Variants in PKP4 observed in about 807,000 individuals in gnomAD.
PKP4 encodes the protein plakophilin 4, also known as plakophilin-4.
Under a neutral mutation model 145.1 loss-of-function variants are expected in PKP4, and 90 were observed. The ratio of observed to expected loss-of-function variants is 0.62; its 90% CI spans 0.52 to 0.74. The LOEUF (loss-of-function observed/expected upper bound fraction) is 0.74, where lower values mean the gene tolerates loss of function less well. PKP4 is among the 30% of genes least tolerant of loss of function. The probability of loss-of-function intolerance (pLI) is 0.00; values close to 1 mark genes in which losing one functional copy is unlikely to be tolerated. For missense variants in PKP4, 1,340 were observed against 1,482.7 expected (o/e 0.90, Z 1.58); for synonymous variants, 563 against 577.2 (o/e 0.98, Z 0.35).
chr2:158,470,925 C>T (rs1193623800), intron 1 of PKP4, among the ~76,000 whole-genome samples: 1 of 152,140 alleles, frequency 6.6e-6, no homozygotes, highest in Non-Finnish European at 1.5e-5. Context: ...CAGAAAACCC[C>T]AGTCTTCCTT....
intron 2 of PKP4, among the ~76,000 whole-genome samples, chr2:158,550,143 A>ATCTCTC (rs564291706): frequency 6.8e-5 from 10 of 147,042 alleles, no homozygotes; most frequent in Non-Finnish European, 1.1e-4. Context: ...TGCCAAGAAG[A>ATCTCTC]AGTTAAACAA....
intron 1 of PKP4, among the ~76,000 whole-genome samples, chr2:158,518,291 C>A (rs2042090800): frequency 1.3e-5 from 2 of 152,152 alleles, no homozygotes; most frequent in African/African-American, 4.8e-5. Flanking sequence ...TTAGTGATCT[C>A]AGGGTTTCAA....
At chr2:158,464,926 T>C (rs1186050621) in intron 1 of PKP4, among the ~76,000 whole-genome samples, 1 of 152,246 alleles carries the variant, frequency 6.6e-6, no homozygotes, top group Non-Finnish European at 1.5e-5. Context: ...TTTGCATACT[T>C]ATTTAAAACG....
At chr2:158,646,699 A>G (rs549533877) in intron 11 of PKP4, among the ~76,000 whole-genome samples, 1 of 152,272 alleles carries the variant, frequency 6.6e-6, no homozygotes, top group South Asian at 2.1e-4. Flanking sequence ...CTCACATCAA[A>G]TGCTCAAGCC....
At position 158,513,758 on chromosome 2, in the gene PKP4, G is replaced by A. The variant is rs112310568; in HGVS notation, c.-5-19422G>A. ...CATCTTAGGCAAATTTAAAGGCTGT[G>A]GAGACAATCCATGTCTTTATTTGCA... On this transcript the variant is annotated intron_variant, in intron 1 of 21. Coordinates refer to ENST00000389759, the MANE Select transcript of PKP4 (RefSeq NM_003628.6). Among the ~76,000 whole-genome samples, 448 of 152,232 alleles carry A rather than the reference G, an allele frequency of 2.9e-3. 3 individuals carry two copies. The highest frequency in any genetic ancestry group is 0.01 in the African/African-American group (423 of 41,532).
At chr2:158,613,881 A>G (rs2051351970) in intron 4 of PKP4, among the ~76,000 whole-genome samples, 2 of 152,224 alleles carry the variant, frequency 1.3e-5, no homozygotes, top group African/African-American at 2.4e-5. Flanking sequence ...AAACCATCAG[A>G]TAAATTCAGG....
At chr2:158,462,936 AT>A (rs1689997743) in intron 1 of PKP4, among the ~76,000 whole-genome samples, 1 of 152,210 alleles carries the variant, frequency 6.6e-6, no homozygotes, top group African/African-American at 2.4e-5. Flanking sequence ...TGAAATAATT[AT>A]TTTTACATTG....
intron 3 of PKP4, among the ~76,000 whole-genome samples, chr2:158,600,045 A>T (rs1368933249): frequency 2.0e-5 from 3 of 152,374 alleles, no homozygotes; most frequent in Admixed American, 6.5e-5. Flanking sequence ...ATAGTGATCT[A>T]CAACATATTT....
chr2:158,475,561 T>G (rs558240770), intron 1 of PKP4, among the ~76,000 whole-genome samples: 1 of 152,346 alleles, frequency 6.6e-6, no homozygotes, highest in East Asian at 1.9e-4. Context: ...ATTCTAGAAT[T>G]TTTAGCCAGA....
At chr2:158,629,072 T>C (rs569017072) in intron 7 of PKP4, among the ~76,000 whole-genome samples, 1 of 152,328 alleles carries the variant, frequency 6.6e-6, no homozygotes, top group South Asian at 2.1e-4. Context: ...CATAAAGAAA[T>C]AGAGCTTAGA....
intron 1 of PKP4, among the ~76,000 whole-genome samples, chr2:158,468,936 G>C (rs1274409868): frequency 6.6e-6 from 1 of 151,588 alleles, no homozygotes; most frequent in South Asian, 2.1e-4. Context: ...TACCATGCCC[G>C]ACTAATTTTT....
intron 7 of PKP4, 68 bp downstream of exon 7, chr2:158,625,495 CAA>C: frequency 7.7e-7 from 1 of 1,306,874 alleles, no homozygotes. Flanking sequence ...TAAGTTGAAA[CAA>C]AGAATGAAAA....
chr2:158,668,998 GA>G (rs1157257916), intron 16 of PKP4, among the ~76,000 whole-genome samples: 5 of 152,146 alleles, frequency 3.3e-5, no homozygotes, highest in Non-Finnish European at 5.9e-5. Flanking sequence ...AGAGGAATAA[GA>G]AAAATTCAGT....
intron 1 of PKP4, among the ~76,000 whole-genome samples, chr2:158,472,612 CAAAAAAAA>C (rs67665979): frequency 1.5e-5 from 1 of 65,148 alleles, no homozygotes; most frequent in Non-Finnish European, 2.8e-5. Flanking sequence ...GGCTCCATCT[CAAAAAAAA>C]AAAAAAAAAA....
intron 3 of PKP4, among the ~76,000 whole-genome samples, chr2:158,581,901 T>TA (rs1308034978): frequency 6.6e-6 from 1 of 152,220 alleles, no homozygotes. Context: ...CCAAACAAGG[T>TA]AAAAACCTCA....
intron 3 of PKP4, among the ~76,000 whole-genome samples, chr2:158,588,735 G>A (rs1301768940): frequency 6.6e-6 from 1 of 152,066 alleles, no homozygotes; most frequent in African/African-American, 2.4e-5. Context: ...ATCCAAACCT[G>A]CCACTTAGGG....
intron 4 of PKP4, among the ~76,000 whole-genome samples, chr2:158,607,604 G>A (rs568650393): frequency 6.6e-6 from 1 of 152,188 alleles, no homozygotes; most frequent in East Asian, 1.9e-4. Flanking sequence ...CCAGCATTAG[G>A]TGAAACCAGG....
intron 3 of PKP4, among the ~76,000 whole-genome samples, chr2:158,584,596 A>G (rs929536314): frequency 1.3e-5 from 2 of 152,186 alleles, no homozygotes; most frequent in Non-Finnish European, 2.9e-5. Flanking sequence ...CCTAAGCAGG[A>G]GGATCACTTG....
chr2:158,475,165 G>A (rs767633739), intron 1 of PKP4, among the ~76,000 whole-genome samples: 69 of 152,242 alleles, frequency 4.5e-4, no homozygotes, highest in Non-Finnish European at 8.2e-4. Flanking sequence ...TAGAAGAAAA[G>A]TTAGATACTT....
Sources: allele counts gnomAD v4.1 joint callset (sites outside exome capture counted in the v4.1 genomes callset), GRCh38; gene constraint gnomAD v4.1.1; transcripts MANE v1.5; gene names NCBI Gene and HGNC (gene_info 2026-07-23, HGNC 2026-07-21).